ABHD18: variants seen among roughly 807,000 people sequenced by gnomAD.
ABHD18 encodes the protein cardiolipin-specific deacylase, mitochondrial.
In ABHD18, 55 loss-of-function variants were observed where a neutral mutation model predicts 65.9. The observed-to-expected ratio is 0.84, with a 90% confidence interval of 0.67 to 1.05. The LOEUF (loss-of-function observed/expected upper bound fraction) is 1.05. Ranked by LOEUF, ABHD18 falls within the 50% of genes least tolerant of loss-of-function variation. The pLI, the probability that ABHD18 is intolerant of heterozygous loss-of-function variation, is 0.00. For synonymous variants in ABHD18, 181 were observed against 180.2 expected, an observed-to-expected ratio of 1.00 and a Z score of -0.04; for missense variants, 533 against 558.5, an observed-to-expected ratio of 0.95 and a Z score of 0.46.
intron 1 of ABHD18, among the ~76,000 whole-genome samples, chr4:127,967,873 G>A (rs1390723844): frequency 2.0e-5 from 3 of 152,036 alleles, no homozygotes; most frequent in East Asian, 3.9e-4. Context: ...AAGAATATGA[G>A]ACTCCATTTG....
intron 12 of ABHD18, among the ~76,000 whole-genome samples, chr4:128,033,757 C>T (rs1015520199): frequency 1.3e-5 from 2 of 151,242 alleles, no homozygotes; most frequent in Non-Finnish European, 2.9e-5. Context: ...AGGATGGTCT[C>T]GATCTCCTGA....
chr4:128,018,715 A>G (rs983127785), intron 8 of ABHD18, among the ~76,000 whole-genome samples: 1 of 152,030 alleles, frequency 6.6e-6, no homozygotes, highest in Non-Finnish European at 1.5e-5. Context: ...TCAAAAACTT[A>G]CTCAAATTCA....
intron 1 of ABHD18, among the ~76,000 whole-genome samples, chr4:127,969,613 G>T (rs984750655): frequency 4.6e-5 from 7 of 152,076 alleles, no homozygotes; most frequent in Non-Finnish European, 7.4e-5. Flanking sequence ...TGCTTCCTTT[G>T]CAACTTTCTA....
chr4:128,004,329 G>C (rs1753220954), intron 4 of ABHD18, among the ~76,000 whole-genome samples: 1 of 151,796 alleles, frequency 6.6e-6, no homozygotes, highest in Non-Finnish European at 1.5e-5. Context: ...GCACATGCCT[G>C]TAGTTCCAGC....
At chr4:128,019,191 A>G (rs1032939425) in intron 8 of ABHD18, among the ~76,000 whole-genome samples, 15 of 152,012 alleles carry the variant, frequency 9.9e-5, no homozygotes, top group Admixed American at 7.9e-4. Context: ...CCCCTTCTCT[A>G]TTCAATCCTG....
At position 128,013,977 on chromosome 4, in the gene ABHD18, CTT is replaced by C. The variant is rs61303818; in HGVS notation, c.470+2299_470+2300del. 8.7e-3 allele frequency among the ~76,000 whole-genome samples: 996 copies of C among 115,018 alleles called. 7 individuals carry two copies. Among genetic ancestry groups the C allele is most frequent in the Admixed American group, 0.024 (254 of 10,368 alleles). 75.5% of individuals were successfully genotyped at this position (115,018 alleles called of 152,430 possible). ...AGCTAAGTAGTTGAAGAATTTCCACCTTTTTTTTTTTTTTTTTTTTTTTGAGA... is the reference window on the plus strand; with the variant it reads ...AGCTAAGTAGTTGAAGAATTTCCACCTTTTTTTTTTTTTTTTTTTTTGAGA... On this transcript the variant is annotated intron_variant, in intron 7 of 12. Transcript: ENST00000645843.
chr4:128,017,338 T>C lies in ABHD18; in HGVS notation c.471-25T>C, dbSNP rs771464402. On this transcript the variant is annotated intron_variant, in intron 7 of 12. Coordinates refer to ENST00000645843, the MANE Select transcript of ABHD18 (RefSeq NM_001358451.3). ...GCATGTAAATACATAAAATAATCAT[T>C]TTCTATTTTGTTTTGTGAGGCTAGA... 5.0e-6 allele frequency: 8 copies of C among 1,603,556 alleles called. No homozygotes were observed. The East Asian group carries it at 1.6e-4, about 31-fold the overall frequency.
At chr4:127,976,058 TC>T (rs1450393101) in intron 1 of ABHD18, among the ~76,000 whole-genome samples, 1 of 152,214 alleles carries the variant, frequency 6.6e-6, no homozygotes, top group African/African-American at 2.4e-5. Context: ...ACTCAAGTGA[TC>T]CGCCTGCCTC....
rs540833368 is a variant in ABHD18, at chr4:128,011,274, G to A, written c.443-399G>A. 8.6e-5 allele frequency among the ~76,000 whole-genome samples: 13 copies of A among 150,300 alleles called. No homozygotes were observed. The South Asian group carries it at 1.7e-3, about 19-fold the overall frequency. On this transcript the variant is annotated intron_variant, in intron 6 of 12. Transcript: ENST00000645843. ...CACCATTCTCCTGCCTCAGCCTCCCGCGTAGCTGACACTACAGGCGCCCGC... is the reference window on the plus strand; with the variant it reads ...CACCATTCTCCTGCCTCAGCCTCCCACGTAGCTGACACTACAGGCGCCCGC...
rs183798265 is a variant in ABHD18, at chr4:127,994,536, G to A, written c.278+4715G>A. 7.2e-5 allele frequency among the ~76,000 whole-genome samples: 11 copies of A among 152,176 alleles called. No homozygotes were observed. In the East Asian group the frequency reaches 1.9e-3, roughly 27 times the overall value. On this transcript the variant is annotated intron_variant, in intron 4 of 12. Coordinates refer to ENST00000645843, the MANE Select transcript of ABHD18 (RefSeq NM_001358451.3). ...TGGAAGGCGAAGGTTGCAGTGAGCC[G>A]AGATCGTGCCATTGCACTCCAGCCT...
At position 128,008,996 on chromosome 4, in the gene ABHD18, C is replaced by G; in HGVS notation, c.355C>G (p.His119Asp). The G allele has an allele frequency of 6.2e-7, 1 of 1,608,504 alleles. No individual in the cohort carries two copies. Among genetic ancestry groups the G allele is most frequent in the Non-Finnish European group, 8.5e-7 (1 of 1,177,824 alleles). ...VCIHLAGTGDHHYWRRRTLMA... is the reference protein window; with the variant it reads ...VCIHLAGTGDDHYWRRRTLMA... ...CATTCATCTTGCTGGAACAGGAGAT[C>G]ATGTAAGACTTTATTATAATGCCTT... The change falls in exon 5 of 13, where the codon CAT becomes GAT. Residue 119 changes from histidine (H) to aspartate (D), a missense_variant and splice_region_variant. Around this residue, in one of 3 missense-constraint regions of ABHD18, gnomAD observed 309 missense variants for 313.5 expected, o/e 0.99. Coordinates refer to ENST00000645843, the MANE Select transcript of ABHD18 (RefSeq NM_001358451.3).
intron 1 of ABHD18, among the ~76,000 whole-genome samples, chr4:127,977,871 G>A (rs1748255247): frequency 6.6e-6 from 1 of 152,038 alleles, no homozygotes; most frequent in Non-Finnish European, 1.5e-5. Context: ...TTTATTAGTA[G>A]CAGAATTTGT....
At chr4:128,031,938 C>A (rs141328509) in intron 12 of ABHD18, among the ~76,000 whole-genome samples, 69 of 152,252 alleles carry the variant, frequency 4.5e-4, no homozygotes, top group African/African-American at 1.7e-3. Flanking sequence ...CCGTGACTAC[C>A]TAGGGTTGCT....
intron 1 of ABHD18, among the ~76,000 whole-genome samples, chr4:127,975,767 A>G (rs1250960274): frequency 6.6e-6 from 1 of 152,268 alleles, no homozygotes; most frequent in Middle Eastern, 3.4e-3. Context: ...TATTTGCATT[A>G]TATTTATGCC....
intron 7 of ABHD18, among the ~76,000 whole-genome samples, chr4:128,016,081 G>A (rs1037720181): frequency 6.6e-5 from 10 of 151,284 alleles, no homozygotes; most frequent in Non-Finnish European, 1.2e-4. Context: ...AGCCTCCTGA[G>A]TAGCTGAGAT....
chr4:127,985,812 G>A (rs1749838685), intron 3 of ABHD18, among the ~76,000 whole-genome samples: 1 of 151,804 alleles, frequency 6.6e-6, no homozygotes. Context: ...GACCATCCTG[G>A]CCAACATGGT....
Position 127,991,802 on chromosome 4 carries a change from A to G in ABHD18, c.278+1981A>G, listed in dbSNP as rs565788142. On this transcript the variant is annotated intron_variant, in intron 4 of 12. Transcript: ENST00000645843. ...AAGAAGAGATTATTCTGTAATGGAA[A>G]CCTACTTAACCTTTTAAGTGAACGT... Among the ~76,000 whole-genome samples the G allele has an allele frequency of 1.8e-3, 280 of 152,320 alleles. 3 individuals carry two copies. The highest frequency in any genetic ancestry group is 6.6e-3 in the African/African-American group (276 of 41,564).
chr4:127,975,723 C>T (rs1435778011), intron 1 of ABHD18, among the ~76,000 whole-genome samples: 1 of 151,990 alleles, frequency 6.6e-6, no homozygotes, highest in African/African-American at 2.4e-5. Flanking sequence ...AATTTTAGGT[C>T]TACTTTATGG....
intron 12 of ABHD18, 51 bp downstream of exon 12, chr4:128,030,723 G>C: frequency 2.7e-6 from 4 of 1,496,670 alleles, no homozygotes; most frequent in Non-Finnish European, 3.5e-6. Flanking sequence ...TTTGTTTTCT[G>C]GATTTTTTGC....
Sources: gnomAD v4.1 joint callset for allele counts (sites outside exome capture counted in the v4.1 genomes callset) on GRCh38, gnomAD v4.1.1 for gene constraint, gnomAD v4.1.1 regional missense constraint, MANE v1.5 for transcripts, NCBI Gene and HGNC (gene_info 2026-07-23, HGNC 2026-07-21) for gene names.